Variants in ACER3 observed in about 807,000 individuals in gnomAD.
ACER3 encodes alkaline ceramidase 3, also known as alkCDase 3.
A neutral mutation model predicts 48.9 loss-of-function variants in ACER3; 16 were observed. That is an observed-to-expected ratio of 0.33 (90% CI 0.22 to 0.50). The LOEUF (loss-of-function observed/expected upper bound fraction) is 0.50. Among genes scored for constraint, ACER3 ranks in the 20% least tolerant of loss-of-function variants. The pLI is 0.98. For missense variants in ACER3, 227 were observed against 326.0 expected, an observed-to-expected ratio of 0.70 and a Z score of 2.34; for synonymous variants, 109 against 107.8, an observed-to-expected ratio of 1.01 and a Z score of -0.07.
chr11:76,887,241 C>A (rs1482707321), intron 1 of ACER3, among the ~76,000 whole-genome samples: 2 of 152,060 alleles, frequency 1.3e-5, no homozygotes, highest in African/African-American at 4.8e-5. Flanking sequence ...GGTAACAGAG[C>A]AAGACCCTGT....
At chr11:76,941,302 A>T (rs1189189848) in intron 2 of ACER3, among the ~76,000 whole-genome samples, 2 of 152,156 alleles carry the variant, frequency 1.3e-5, no homozygotes, top group Non-Finnish European at 2.9e-5. Flanking sequence ...ACAGACAATA[A>T]TTTATGAGGT....
chr11:76,941,241 A>G (rs1947337606), intron 2 of ACER3, among the ~76,000 whole-genome samples: 3 of 152,256 alleles, frequency 2.0e-5, no homozygotes, highest in East Asian at 1.9e-4. Context: ...GTTGAAAGAG[A>G]TTTTGTAGAA....
chr11:76,990,337 G>T (rs1386613319), intron 5 of ACER3, among the ~76,000 whole-genome samples: 1 of 152,142 alleles, frequency 6.6e-6, no homozygotes, highest in Non-Finnish European at 1.5e-5. Flanking sequence ...CCATAACAGG[G>T]CTAGCACTGA....
rs1387034163 is a variant in ACER3 at position 76,860,969 on chromosome 11, G to A, written c.-8G>A. On this transcript the variant is annotated 5_prime_UTR_variant, in exon 1 of 11. Transcript: ENST00000532485. ...GCGGAGCGCCTGGGCGGCGGCGGCG[G>A]CGGCGTGATGGCTCCGGCCGCGGAC... 1.3e-6 allele frequency: 2 copies of A among 1,527,760 alleles called. No individual in the cohort carries two copies. The highest frequency in any genetic ancestry group is 1.2e-5 in the South Asian group (1 of 82,624). The allele number at this position is 1,527,760 out of a possible 1,614,324, so 94.6% of individuals were successfully genotyped here. A position where few individuals can be genotyped will look rare whatever the true frequency, so the allele number is the denominator to read the frequency against.
At chr11:77,018,714 T>C (rs1949418880) in intron 9 of ACER3, among the ~76,000 whole-genome samples, 1 of 152,308 alleles carries the variant, frequency 6.6e-6, no homozygotes, top group African/African-American at 2.4e-5. Flanking sequence ...GGATAAAAGA[T>C]CAGACCAACC....
intron 3 of ACER3, among the ~76,000 whole-genome samples, chr11:76,965,661 C>T (rs1948118510): frequency 6.6e-6 from 1 of 151,202 alleles, no homozygotes; most frequent in South Asian, 2.1e-4. Flanking sequence ...ATTCAACATT[C>T]TTAAAGGAAA....
At chr11:76,898,692 C>T (rs1031954432) in intron 1 of ACER3, among the ~76,000 whole-genome samples, 7 of 142,662 alleles carry the variant, frequency 4.9e-5, no homozygotes, top group African/African-American at 1.8e-4. Flanking sequence ...ATGACGAGGT[C>T]AGGAGATCGA....
intron 3 of ACER3, among the ~76,000 whole-genome samples, chr11:76,970,790 T>C (rs1348314886): frequency 6.6e-6 from 1 of 152,144 alleles, no homozygotes; most frequent in Non-Finnish European, 1.5e-5. Context: ...GTTTTATGTA[T>C]GTTCACAGAT....
intron 1 of ACER3, among the ~76,000 whole-genome samples, chr11:76,909,824 T>G (rs981565301): frequency 5.3e-5 from 8 of 152,174 alleles, no homozygotes; most frequent in African/African-American, 1.9e-4. Flanking sequence ...TGCACACGTA[T>G]GTTTATTGCA....
chr11:77,011,595 C>T (rs1555022165), intron 7 of ACER3, among the ~76,000 whole-genome samples: 1 of 152,112 alleles, frequency 6.6e-6, no homozygotes, highest in South Asian at 2.1e-4. Flanking sequence ...TCTTGAGAAC[C>T]CTCATCAAAC....
chr11:76,906,509 C>T (rs184038671), intron 1 of ACER3, among the ~76,000 whole-genome samples: 2 of 152,266 alleles, frequency 1.3e-5, no homozygotes, highest in African/African-American at 4.8e-5. Flanking sequence ...CCCTAGTTCC[C>T]TGCCCACCAA....
At chr11:76,889,318 T>G (rs1034568241) in intron 1 of ACER3, among the ~76,000 whole-genome samples, 3 of 152,224 alleles carry the variant, frequency 2.0e-5, no homozygotes, top group African/African-American at 7.2e-5. Context: ...TGAGTTTTTT[T>G]TGGAGCCCAG....
At chr11:76,870,123 A>G (rs1338185240) in intron 1 of ACER3, among the ~76,000 whole-genome samples, 2 of 151,298 alleles carry the variant, frequency 1.3e-5, no homozygotes, top group African/African-American at 4.9e-5. Flanking sequence ...CAGCCTTCCA[A>G]GTAGGTGGGA....
intron 2 of ACER3, among the ~76,000 whole-genome samples, chr11:76,934,319 T>C (rs968233062): frequency 1.3e-5 from 2 of 152,122 alleles, no homozygotes; most frequent in African/African-American, 4.8e-5. Flanking sequence ...CTCGGCACTT[T>C]GGGAGGCCAA....
chr11:76,933,141 C>T (rs1324263652), intron 2 of ACER3, among the ~76,000 whole-genome samples: 1 of 141,948 alleles, frequency 7.0e-6, no homozygotes, highest in East Asian at 2.1e-4. Flanking sequence ...ACCTCTTCTC[C>T]CTTCACTGCT....
chr11:76,972,929 G>T (rs1285309536), intron 3 of ACER3, among the ~76,000 whole-genome samples: 1 of 152,246 alleles, frequency 6.6e-6, no homozygotes, highest in Non-Finnish European at 1.5e-5. Flanking sequence ...CCACAGTGGT[G>T]TGTGTGGGAC....
chr11:76,903,413 C>T (rs1006607244), intron 1 of ACER3, among the ~76,000 whole-genome samples: 17 of 151,946 alleles, frequency 1.1e-4, no homozygotes, highest in Non-Finnish European at 1.6e-4. Flanking sequence ...AATGAAATTG[C>T]CTTCAACTAA....
intron 1 of ACER3, among the ~76,000 whole-genome samples, chr11:76,910,712 C>T (rs1012198308): frequency 1.3e-5 from 2 of 152,092 alleles, no homozygotes; most frequent in South Asian, 2.1e-4. Context: ...TAGTTTTCTA[C>T]CTCTTAAAGT....
At chr11:76,965,652 T>G (rs906424543) in intron 3 of ACER3, among the ~76,000 whole-genome samples, 3 of 151,208 alleles carry the variant, frequency 2.0e-5, no homozygotes, top group Admixed American at 6.6e-5. Context: ...GGGGCCAATA[T>G]TCAACATTCT....
Sources: allele counts gnomAD v4.1 joint callset (sites outside exome capture counted in the v4.1 genomes callset), GRCh38; gene constraint gnomAD v4.1.1; transcripts MANE v1.5; gene names NCBI Gene and HGNC (gene_info 2026-07-23, HGNC 2026-07-21).